Variants in SLC38A8 observed in about 807,000 individuals in gnomAD.
The protein encoded by SLC38A8 is solute carrier family 38 member 8.
SLC38A8 carries 65 observed loss-of-function variants against 46.0 expected under a neutral mutation model. The ratio of observed to expected loss-of-function variants is 1.41; its 90% CI spans 1.16 to 1.74. The LOEUF (loss-of-function observed/expected upper bound fraction) is 1.74. SLC38A8 is among the 40% of genes most tolerant of loss of function. The pLI is 0.00. For synonymous variants in SLC38A8, 447 were observed against 243.7 expected (o/e 1.83, Z -7.77); for missense variants, 998 against 567.9 (o/e 1.76, Z -7.70).
At chr16:84,017,116 G>A in intron 8 of SLC38A8, 24 bp downstream of exon 8, 4 of 1,613,008 alleles carry the variant, frequency 2.5e-6, no homozygotes, top group East Asian at 2.2e-5. Flanking sequence ...GCTTCACGGT[G>A]CCCCCCACTG....
chr16:84,035,528 T>C (rs9921837), intron 3 of SLC38A8, among the ~76,000 whole-genome samples: 58,953 of 152,014 alleles, frequency 0.39, 11,894 homozygotes, highest in East Asian at 0.58. Flanking sequence ...CCCGACCATA[T>C]GCTGCCTACA....
At position 84,017,183 on chromosome 16, in the gene SLC38A8, C is replaced by T; in HGVS notation, c.910G>A (p.Val304Ile). 1.2e-6 allele frequency: 2 copies of T among 1,614,094 alleles called. No homozygotes were observed. Among genetic ancestry groups the T allele is most frequent in the South Asian group, 1.1e-5 (1 of 91,072 alleles). The change falls in exon 8 of 11, where the codon GTC becomes ATC. Residue 304 changes from valine to isoleucine, a missense_variant. Coordinates refer to ENST00000299709, the MANE Select transcript of SLC38A8 (RefSeq NM_001080442.3). ...VIIVARVLFAVSIVTVYPIVL... is the reference protein window; with the variant it reads ...VIIVARVLFAISIVTVYPIVL... The stretch of plus-strand genomic sequence containing the variant: ...ATGGGGTAGACAGTTACGATGGAGA[C>T]AGCAAAAAGGACCCGGGCCACAATG...
intron 7 of SLC38A8, among the ~76,000 whole-genome samples, chr16:84,020,088 C>T (rs907167920): frequency 6.6e-6 from 1 of 152,206 alleles, no homozygotes; most frequent in Admixed American, 6.5e-5. Flanking sequence ...CTAGGCATTG[C>T]CCTGGCAGAG....
chr16:84,017,128 GCCAGGCCTC>G lies in SLC38A8; in HGVS notation c.953+3_953+11del. 6.2e-7 allele frequency: 1 copy of G among 1,613,834 alleles called. No individual in the cohort carries two copies. The highest frequency in any genetic ancestry group is 8.5e-7 in the Non-Finnish European group (1 of 1,179,914). On this transcript the variant is annotated splice_donor_5th_base_variant and intron_variant, in intron 8 of 10. Transcript: ENST00000299709. The stretch of plus-strand genomic sequence containing the variant: ...CATGCTTCACGGTGCCCCCCACTGA[GCCAGGCCTC>G]ACCTCCCCAGGAAGAGCACGATGGG...
chr16:84,022,294 C>T (rs559486789), intron 7 of SLC38A8, among the ~76,000 whole-genome samples: 20 of 152,306 alleles, frequency 1.3e-4, no homozygotes, highest in South Asian at 2.1e-4. Flanking sequence ...ATGCACTGTA[C>T]GATCCTGCGT....
chr16:84,017,495 C>A (rs528286037), intron 7 of SLC38A8, among the ~76,000 whole-genome samples: 6 of 152,194 alleles, frequency 3.9e-5, no homozygotes, highest in African/African-American at 1.4e-4. Flanking sequence ...CAGACAAATC[C>A]GCCACTTATC....
chr16:84,017,819 T>G (rs1339864632), intron 7 of SLC38A8, among the ~76,000 whole-genome samples: 2 of 152,178 alleles, frequency 1.3e-5, no homozygotes, highest in African/African-American at 2.4e-5. Flanking sequence ...TCCTGAGAGA[T>G]AGGTCTCTAA....
chr16:84,025,220 A>G (rs1425276674), intron 6 of SLC38A8, among the ~76,000 whole-genome samples: 10 of 152,044 alleles, frequency 6.6e-5, no homozygotes, highest in Non-Finnish European at 1.5e-4. Flanking sequence ...GCTGGTTCCC[A>G]CCATCACACC....
At chr16:84,034,964 C>G (rs1304840290) in intron 3 of SLC38A8, among the ~76,000 whole-genome samples, 1 of 152,172 alleles carries the variant, frequency 6.6e-6, no homozygotes, top group Non-Finnish European at 1.5e-5. Flanking sequence ...CGTGCCATGA[C>G]TCCCCCAAGC....
chr16:84,016,818 C>G (rs1042209043), intron 8 of SLC38A8, 91 bp from the exon 9 acceptor site: 2 of 1,354,876 alleles, frequency 1.5e-6, no homozygotes, highest in Admixed American at 2.3e-5. Flanking sequence ...GGAGTCCCCT[C>G]ACACCTGTCA....
intron 7 of SLC38A8, 49 bp from the exon 8 acceptor site, chr16:84,017,336 GCCCCCT>G: frequency 6.2e-7 from 1 of 1,600,926 alleles, no homozygotes; most frequent in Non-Finnish European, 8.5e-7. Context: ...GGAAAATGCT[GCCCCCT>G]CCCCCACCAA....
chr16:84,032,780 T>G (rs2085257615), intron 4 of SLC38A8, among the ~76,000 whole-genome samples: 1 of 152,172 alleles, frequency 6.6e-6, no homozygotes, highest in African/African-American at 2.4e-5. Flanking sequence ...TGGATACTGT[T>G]TCCAAGCTTT....
At chr16:84,027,876 G>C (rs963852756) in intron 6 of SLC38A8, among the ~76,000 whole-genome samples, 1 of 152,126 alleles carries the variant, frequency 6.6e-6, no homozygotes, top group Admixed American at 6.5e-5. Flanking sequence ...ACAGAGAGAG[G>C]TTCTTAAACT....
At chr16:84,021,501 C>T (rs898525546) in intron 7 of SLC38A8, among the ~76,000 whole-genome samples, 2 of 152,218 alleles carry the variant, frequency 1.3e-5, no homozygotes, top group Non-Finnish European at 2.9e-5. Flanking sequence ...CCGTCTGAAA[C>T]CTCCTCAGAA....
At position 84,020,459 on chromosome 16, in the gene SLC38A8, T is replaced by C. The variant is rs539659400; in HGVS notation, c.805+2316A>G. On this transcript the variant is annotated intron_variant, in intron 7 of 10. Coordinates refer to ENST00000299709, the MANE Select transcript of SLC38A8 (RefSeq NM_001080442.3). The stretch of plus-strand genomic sequence containing the variant: ...CACCACACCTGGCCTGAAGAACATC[T>C]TTTGAAATCTGGGTGGAGGCTGCCA... Among the ~76,000 whole-genome samples the C allele has an allele frequency of 4.6e-5, 7 of 152,320 alleles. No homozygotes were observed. In the East Asian group the frequency reaches 1.4e-3, roughly 29 times the overall value.
chr16:84,027,913 A>T (rs915572298), intron 6 of SLC38A8, among the ~76,000 whole-genome samples: 2 of 152,216 alleles, frequency 1.3e-5, no homozygotes, highest in Non-Finnish European at 2.9e-5. Flanking sequence ...TTGACAGCAA[A>T]ATCAGCTCTT....
intron 7 of SLC38A8, among the ~76,000 whole-genome samples, chr16:84,019,018 G>C (rs1002677039): frequency 6.6e-6 from 1 of 152,064 alleles, no homozygotes; most frequent in Non-Finnish European, 1.5e-5. Flanking sequence ...AATTTTTATG[G>C]CTTGATGCCT....
rs116200039 is a variant in SLC38A8, at chr16:84,014,841, A to G, written c.1162+1678T>C. On this transcript the variant is annotated intron_variant, in intron 9 of 10. Coordinates refer to ENST00000299709, the MANE Select transcript of SLC38A8 (RefSeq NM_001080442.3). The stretch of plus-strand genomic sequence containing the variant: ...ACATCAGTTGGCCTCTTTGATAACC[A>G]ACATTTCTCTGTGGCCCTCAATTCT... Among the ~76,000 whole-genome samples the G allele has an allele frequency of 2.7e-3, 411 of 152,188 alleles. 2 individuals are homozygous for G. Among genetic ancestry groups the G allele is most frequent in the African/African-American group, 9.5e-3 (396 of 41,514 alleles).
intron 8 of SLC38A8, 168 bp from the exon 9 acceptor site, chr16:84,016,895 A>G: frequency 1.0e-6 from 1 of 989,446 alleles, no homozygotes; most frequent in Non-Finnish European, 1.4e-6. Flanking sequence ...GGGTTCTGCC[A>G]CCATCGGGCA....
Sources: allele counts gnomAD v4.1 joint callset (sites outside exome capture counted in the v4.1 genomes callset), GRCh38; gene constraint gnomAD v4.1.1; transcripts MANE v1.5; gene names NCBI Gene and HGNC (gene_info 2026-07-23, HGNC 2026-07-21).